Variants in MAGI1 observed in about 807,000 individuals in gnomAD.
MAGI1 encodes the protein membrane associated guanylate kinase, WW and PDZ domain containing 1, also known as membrane-associated guanylate kinase, WW and PDZ domain-containing protein 1.
MAGI1 carries 58 observed loss-of-function variants against 139.9 expected under a neutral mutation model. That is an observed-to-expected ratio of 0.41 (90% confidence interval 0.34 to 0.52). The LOEUF (loss-of-function observed/expected upper bound fraction) is 0.52. Ranked by LOEUF, MAGI1 falls within the 20% of genes least tolerant of loss-of-function variation. The probability of loss-of-function intolerance (pLI) is 0.12; values close to 1 mark genes in which losing one functional copy is unlikely to be tolerated. For synonymous variants in MAGI1, 812 were observed against 737.9 expected (o/e 1.10, Z -1.63); for missense variants, 1,874 against 1,901.6 (o/e 0.99, Z 0.27).
At chr3:65,906,928 CAAAAAA>C (rs530195578) in intron 1 of MAGI1, among the ~76,000 whole-genome samples, 2 of 138,944 alleles carry the variant, frequency 1.4e-5, no homozygotes, top group Non-Finnish European at 3.1e-5. Flanking sequence ...TAAATTTTGG[CAAAAAA>C]AAAAGAAAAA....
intron 5 of MAGI1, among the ~76,000 whole-genome samples, chr3:65,463,939 G>A (rs1281056901): frequency 6.6e-6 from 1 of 152,104 alleles, no homozygotes; most frequent in Admixed American, 6.5e-5. Context: ...ATTCTCTGAT[G>A]GTAGTTTGTA....
chr3:65,478,922 T>C (rs1458381905), intron 3 of MAGI1, 124 bp from the exon 4 acceptor site: 1 of 707,704 alleles, frequency 1.4e-6, no homozygotes, highest in East Asian at 2.6e-5. Flanking sequence ...CAGAACAAAC[T>C]GTATTTTATT....
chr3:65,535,087 C>T (rs544286403), intron 2 of MAGI1, among the ~76,000 whole-genome samples: 1 of 152,160 alleles, frequency 6.6e-6, no homozygotes, highest in African/African-American at 2.4e-5. Context: ...CAGCCCAGGT[C>T]AGCTCCTTCT....
At chr3:65,995,727 T>G (rs1314568441) in intron 1 of MAGI1, among the ~76,000 whole-genome samples, 1 of 152,188 alleles carries the variant, frequency 6.6e-6, no homozygotes, top group Non-Finnish European at 1.5e-5. Flanking sequence ...CACCGGGCCC[T>G]TCTATTCCCA....
At chr3:65,775,963 C>T (rs1415906152) in intron 1 of MAGI1, among the ~76,000 whole-genome samples, 3 of 149,904 alleles carry the variant, frequency 2.0e-5, no homozygotes, top group African/African-American at 7.3e-5. Flanking sequence ...AAAAAAGTTT[C>T]TAATTATTCT....
chr3:65,564,579 A>C (rs896566522), intron 2 of MAGI1, among the ~76,000 whole-genome samples: 2 of 152,244 alleles, frequency 1.3e-5, no homozygotes, highest in Non-Finnish European at 2.9e-5. Flanking sequence ...GAAGACCAAA[A>C]ATAAATAAAT....
chr3:65,707,524 C>A (rs868308680), intron 1 of MAGI1, among the ~76,000 whole-genome samples: 1 of 151,678 alleles, frequency 6.6e-6, no homozygotes, highest in Non-Finnish European at 1.5e-5. Flanking sequence ...GTCTCTCTAA[C>A]AAAAAAAATT....
intron 1 of MAGI1, among the ~76,000 whole-genome samples, chr3:65,853,553 T>C (rs2059278010): frequency 6.6e-6 from 1 of 152,190 alleles, no homozygotes; most frequent in Non-Finnish European, 1.5e-5. Flanking sequence ...AACGTATTCA[T>C]TTCTCAGTTC....
intron 1 of MAGI1, among the ~76,000 whole-genome samples, chr3:65,946,426 T>G (rs2063547383): frequency 6.6e-6 from 1 of 152,224 alleles, no homozygotes; most frequent in South Asian, 2.1e-4. Flanking sequence ...AAACTTTGCT[T>G]ACATCCTGTT....
chr3:65,861,871 TTGAGA>T (rs1559953492), intron 1 of MAGI1, among the ~76,000 whole-genome samples: 4 of 152,324 alleles, frequency 2.6e-5, no homozygotes, highest in South Asian at 2.1e-4. Context: ...AAGCAACTTG[TTGAGA>T]TATTAGCAGG....
At chr3:65,358,631 A>C (rs757401442) in intron 22 of MAGI1, among the ~76,000 whole-genome samples, 3 of 152,196 alleles carry the variant, frequency 2.0e-5, no homozygotes, top group Non-Finnish European at 4.4e-5. Flanking sequence ...CTATGTGTCA[A>C]TAAAACTTTA....
chr3:65,389,124 T>G (rs1230710823), intron 14 of MAGI1, among the ~76,000 whole-genome samples: 2 of 152,246 alleles, frequency 1.3e-5, no homozygotes, highest in Middle Eastern at 6.8e-3. Context: ...ATTATATGAC[T>G]GAGCCGTGGC....
At chr3:65,919,622 C>T (rs964127083) in intron 1 of MAGI1, among the ~76,000 whole-genome samples, 5 of 151,920 alleles carry the variant, frequency 3.3e-5, no homozygotes, top group African/African-American at 1.2e-4. Context: ...AATGCTTACA[C>T]AAGAGAAGGT....
intron 18 of MAGI1, among the ~76,000 whole-genome samples, chr3:65,369,852 T>C (rs997533034): frequency 6.6e-6 from 1 of 152,182 alleles, no homozygotes; most frequent in Non-Finnish European, 1.5e-5. Context: ...CACTCTGAGT[T>C]AAGACCTTCA....
chr3:65,634,268 AG>A (rs1294336519), intron 1 of MAGI1, among the ~76,000 whole-genome samples: 2 of 152,226 alleles, frequency 1.3e-5, no homozygotes, highest in Non-Finnish European at 2.9e-5. Flanking sequence ...AGGAAGCACC[AG>A]TATAGAAAAT....
chr3:65,578,064 C>A (rs915228910), intron 2 of MAGI1, among the ~76,000 whole-genome samples: 4 of 152,208 alleles, frequency 2.6e-5, no homozygotes, highest in Non-Finnish European at 5.9e-5. Context: ...GCTTGTTGAG[C>A]GACTGACGGG....
chr3:65,651,346 G>C (rs974261592), intron 1 of MAGI1, among the ~76,000 whole-genome samples: 12 of 152,238 alleles, frequency 7.9e-5, no homozygotes, highest in Non-Finnish European at 1.3e-4. Context: ...ACCCAAAGCA[G>C]TTCAAACACA....
chr3:65,435,468 G>GTGGATGGATGGA lies in MAGI1; in HGVS notation c.1363+1675_1363+1686dup, dbSNP rs10681942. Among the ~76,000 whole-genome samples the GTGGATGGATGGA allele has an allele frequency of 6.4e-3, 957 of 149,642 alleles. 8 individuals carry two copies. Among genetic ancestry groups the GTGGATGGATGGA allele is most frequent in the Middle Eastern group, 0.021 (6 of 290 alleles). ...CTGGTTGGCTATTCTATATGTATATGTGGATGGATGGATGGATGGATGGAT... is the reference window on the plus strand; with the variant it reads ...CTGGTTGGCTATTCTATATGTATATGTGGATGGATGGATGGATGGATGGATGGATGGATGGAT... On this transcript the variant is annotated intron_variant, in intron 10 of 22. Transcript: ENST00000402939.
At chr3:65,882,183 C>T (rs2060355176) in intron 1 of MAGI1, among the ~76,000 whole-genome samples, 1 of 152,192 alleles carries the variant, frequency 6.6e-6, no homozygotes, top group African/African-American at 2.4e-5. Flanking sequence ...TTGGGAAACA[C>T]CCTTTGTGAG....
Sources: allele counts gnomAD v4.1 joint callset (sites outside exome capture counted in the v4.1 genomes callset), GRCh38; gene constraint gnomAD v4.1.1; transcripts MANE v1.5; gene names NCBI Gene and HGNC (gene_info 2026-07-23, HGNC 2026-07-21).